Variants in CADPS2 observed in about 807,000 individuals in gnomAD.
CADPS2 encodes calcium-dependent secretion activator 2.
In CADPS2, 93 loss-of-function variants were observed where a neutral mutation model predicts 172.5. That is an observed-to-expected ratio of 0.54 (90% CI 0.46 to 0.64). CADPS2 has a LOEUF of 0.64. Ranked by LOEUF, CADPS2 falls within the 30% of genes least tolerant of loss-of-function variation. CADPS2 has a pLI of 0.00. For missense variants in CADPS2, 1,420 were observed against 1,565.9 expected (o/e 0.91, Z 1.57); for synonymous variants, 546 against 555.2 (o/e 0.98, Z 0.23).
chr7:122,780,756 C>T (rs1456624520), intron 1 of CADPS2, among the ~76,000 whole-genome samples: 3 of 152,202 alleles, frequency 2.0e-5, no homozygotes, highest in African/African-American at 4.8e-5. Context: ...AGTTCTTCCA[C>T]CTCAGCCTCC....
At chr7:122,702,617 G>A (rs1323821083) in intron 2 of CADPS2, 1 of 1,613,404 alleles carries the variant, frequency 6.2e-7, no homozygotes, top group East Asian at 2.2e-5. Context: ...AACCTGAAAT[G>A]TTATATTCAG....
intron 1 of CADPS2, among the ~76,000 whole-genome samples, chr7:122,807,448 C>A (rs1244985472): frequency 6.6e-6 from 1 of 152,194 alleles, no homozygotes; most frequent in Non-Finnish European, 1.5e-5. Flanking sequence ...CAACTCTGGC[C>A]TGGACAACTC....
intron 1 of CADPS2, among the ~76,000 whole-genome samples, chr7:122,749,168 T>C (rs2092841634): frequency 6.6e-6 from 1 of 152,104 alleles, no homozygotes; most frequent in Non-Finnish European, 1.5e-5. Flanking sequence ...TTCTGTCATA[T>C]TTTCTCCCAC....
chr7:122,338,974 A>G (rs2036344964), intron 28 of CADPS2: 1 of 147,668 alleles, frequency 6.8e-6, no homozygotes. Flanking sequence ...AATGTTGCTC[A>G]GGCTGTTCTT....
intron 9 of CADPS2, among the ~76,000 whole-genome samples, chr7:122,496,068 T>C (rs1563508946): frequency 6.6e-6 from 1 of 152,190 alleles, no homozygotes; most frequent in Non-Finnish European, 1.5e-5. Flanking sequence ...TTTCGAGAAA[T>C]GTTATTGCAT....
intron 1 of CADPS2, among the ~76,000 whole-genome samples, chr7:122,829,664 C>T (rs369918462): frequency 1.3e-5 from 2 of 152,280 alleles, no homozygotes; most frequent in African/African-American, 4.8e-5. Context: ...CATCAGCTTC[C>T]ATCATTTCAT....
chr7:122,706,672 C>CAT lies in CADPS2; in HGVS notation c.453+30281_453+30282dup, dbSNP rs1194996348. Among the ~76,000 whole-genome samples, 536 of 144,464 alleles carry CAT rather than the reference C, an allele frequency of 3.7e-3. 2 individuals are homozygous for CAT. The highest frequency in any genetic ancestry group is 0.013 in the African/African-American group (500 of 39,564). 94.8% of individuals were successfully genotyped at this position (144,464 alleles called of 152,430 possible). A position where few individuals can be genotyped will look rare whatever the true frequency, so the allele number is the denominator to read the frequency against. ...TGCTCTTAACAAGAGATAGGTAGAACATACATATATATATTCTTTTATATA... is the reference window on the plus strand; with the variant it reads ...TGCTCTTAACAAGAGATAGGTAGAACATATACATATATATATTCTTTTATATA... On this transcript the variant is annotated intron_variant, in intron 2 of 29. Coordinates refer to ENST00000449022, the MANE Select transcript of CADPS2 (RefSeq NM_017954.11).
At chr7:122,583,538 T>A (rs2069143377) in intron 6 of CADPS2, among the ~76,000 whole-genome samples, 1 of 151,656 alleles carries the variant, frequency 6.6e-6, no homozygotes. Context: ...GTAAAAAAAA[T>A]TCCCATATTT....
intron 25 of CADPS2, among the ~76,000 whole-genome samples, chr7:122,364,796 A>G: frequency 6.6e-6 from 1 of 152,152 alleles, no homozygotes; most frequent in South Asian, 2.1e-4. Context: ...GATAAGACAT[A>G]CAAAAACACA....
At chr7:122,495,360 A>G (rs909601830) in intron 9 of CADPS2, among the ~76,000 whole-genome samples, 3 of 152,154 alleles carry the variant, frequency 2.0e-5, no homozygotes, top group African/African-American at 7.2e-5. Flanking sequence ...TATTATTTCC[A>G]TGACGTTTTG....
chr7:122,590,243 C>T (rs907476303), intron 6 of CADPS2, among the ~76,000 whole-genome samples: 1 of 151,804 alleles, frequency 6.6e-6, no homozygotes, highest in East Asian at 1.9e-4. Context: ...TAATGGCAAT[C>T]AAAATAGTGT....
intron 14 of CADPS2, among the ~76,000 whole-genome samples, chr7:122,470,532 T>C (rs2055786696): frequency 6.6e-6 from 1 of 152,100 alleles, no homozygotes. Context: ...GCCTGTTCTG[T>C]TACCTAGGCT....
intron 1 of CADPS2, among the ~76,000 whole-genome samples, chr7:122,836,439 T>A (rs1025378751): frequency 6.6e-6 from 1 of 152,078 alleles, no homozygotes; most frequent in Non-Finnish European, 1.5e-5. Context: ...ATATTAACCT[T>A]AAATGTAAAT....
chr7:122,567,387 G>C (rs543084491), intron 7 of CADPS2, among the ~76,000 whole-genome samples: 19 of 152,096 alleles, frequency 1.2e-4, no homozygotes, highest in Non-Finnish European at 2.6e-4. Context: ...TAGGTTGTTT[G>C]TTTTATTTGT....
At chr7:122,747,888 G>A (rs1045825735) in intron 1 of CADPS2, among the ~76,000 whole-genome samples, 4 of 151,980 alleles carry the variant, frequency 2.6e-5, no homozygotes, top group Admixed American at 6.6e-5. Flanking sequence ...TAATTAAGAC[G>A]ACACCTCCAA....
intron 2 of CADPS2, chr7:122,702,993 A>T (rs1331800162): frequency 4.5e-6 from 2 of 444,860 alleles, no homozygotes; most frequent in Admixed American, 4.0e-5. Context: ...AAATTATGAC[A>T]TCCAAATGGG....
intron 7 of CADPS2, among the ~76,000 whole-genome samples, chr7:122,562,794 G>A (rs2065930885): frequency 6.6e-6 from 1 of 151,984 alleles, no homozygotes; most frequent in Non-Finnish European, 1.5e-5. Flanking sequence ...GAAGCATTCT[G>A]CTTGTAAAAA....
chr7:122,423,528 C>T (rs1266735111), intron 17 of CADPS2, among the ~76,000 whole-genome samples: 1 of 152,116 alleles, frequency 6.6e-6, no homozygotes, highest in Non-Finnish European at 1.5e-5. Flanking sequence ...TATAATTGCT[C>T]CACTATCTGT....
chr7:122,734,388 A>AAAAAAAAAAAAAAAAAAAAAAT (rs2091976264), intron 2 of CADPS2, among the ~76,000 whole-genome samples: 1 of 57,500 alleles, frequency 1.7e-5, no homozygotes, highest in Non-Finnish European at 3.8e-5. Flanking sequence ...AAAAAAAAAG[A>AAAAAAAAAAAAAAAAAAAAAAT]AAAAAAAAAA....
Sources: gnomAD v4.1 joint callset for allele counts (sites outside exome capture counted in the v4.1 genomes callset) on GRCh38, gnomAD v4.1.1 for gene constraint, MANE v1.5 for transcripts, NCBI Gene and HGNC (gene_info 2026-07-23, HGNC 2026-07-21) for gene names.